PCNX1: variants seen among roughly 807,000 people sequenced by gnomAD.
The protein encoded by PCNX1 is pecanex 1.
Under a neutral mutation model 242.2 loss-of-function variants are expected in PCNX1, and 78 were observed. That is an observed-to-expected ratio of 0.32 (90% CI 0.27 to 0.39). The LOEUF is 0.39. Among genes scored for constraint, PCNX1 ranks in the 10% least tolerant of loss-of-function variants. The pLI is 1.00. For synonymous variants in PCNX1, 1,024 were observed against 1,032.9 expected (o/e 0.99, Z 0.17); for missense variants, 2,581 against 2,856.5 (o/e 0.90, Z 2.20).
At chr14:71,063,953 G>T (rs905488051) in intron 26 of PCNX1, among the ~76,000 whole-genome samples, 2 of 151,858 alleles carry the variant, frequency 1.3e-5, no homozygotes. Flanking sequence ...TTTCTTTCAT[G>T]TTAATTTTTT....
intron 21 of PCNX1, among the ~76,000 whole-genome samples, 198 bp downstream of exon 21, chr14:71,047,303 A>G (rs927733467): frequency 6.6e-6 from 1 of 152,126 alleles, no homozygotes; most frequent in African/African-American, 2.4e-5. Flanking sequence ...TACTCCAGAC[A>G]TCTCATTGTC....
At chr14:71,103,823 G>A (rs1480996408) in intron 32 of PCNX1, among the ~76,000 whole-genome samples, 154 bp downstream of exon 32, 1 of 152,098 alleles carries the variant, frequency 6.6e-6, no homozygotes, top group African/African-American at 2.4e-5. Flanking sequence ...TAGAATCTGA[G>A]CATTCTTATC....
chr14:71,101,764 C>G (rs2062467666), intron 30 of PCNX1, among the ~76,000 whole-genome samples: 1 of 151,942 alleles, frequency 6.6e-6, no homozygotes, highest in Non-Finnish European at 1.5e-5. Context: ...TCATCTAGAA[C>G]TTAGAGGAGA....
intron 5 of PCNX1, among the ~76,000 whole-genome samples, chr14:70,971,119 T>TAAAAC (rs1566638406): frequency 2.9e-4 from 1 of 3,482 alleles, no homozygotes; most frequent in Admixed American, 3.9e-3. Context: ...TATATAGTTT[T>TAAAAC]TTTTTTTTTT....
intron 1 of PCNX1, among the ~76,000 whole-genome samples, chr14:70,931,675 A>G (rs1041864663): frequency 6.6e-6 from 1 of 152,246 alleles, no homozygotes. Flanking sequence ...AGCAGAACAG[A>G]CAGAACTTTA....
rs371287450 is a variant in PCNX1, at chr14:71,009,481, CT to C, written c.2630-152del. Among the ~76,000 whole-genome samples the C allele has an allele frequency of 2.2e-4, 33 of 152,264 alleles. No individual in the cohort carries two copies. The East Asian group carries it at 5.2e-3, about 24-fold the overall frequency. The stretch of plus-strand genomic sequence containing the variant: ...ACGTTCCTTTTCAACTCACATCTTG[CT>C]GAATTACATGCAGATCATTGTTTTA... On this transcript the variant is annotated intron_variant, in intron 8 of 35. Transcript: ENST00000304743.
Position 71,113,980 on chromosome 14 carries a change from C to T in PCNX1, c.*4045C>T, listed in dbSNP as rs2062805676. ...GTTAATTTTCTCTTTTGATAGGATA[C>T]ATGGTTTAGATAAGGTATAAAGTGT... On this transcript the variant is annotated 3_prime_UTR_variant, in exon 36 of 36. Coordinates refer to ENST00000304743, the MANE Select transcript of PCNX1 (RefSeq NM_014982.3). The T allele has an allele frequency of 6.6e-6, 1 of 152,100 alleles. No homozygotes were observed. Among genetic ancestry groups the T allele is most frequent in the Admixed American group, 6.5e-5 (1 of 15,270 alleles). The allele number at this position is 152,100 out of a possible 1,614,324, so 9.4% of individuals were successfully genotyped here. A position where few individuals can be genotyped will look rare whatever the true frequency, so the allele number is the denominator to read the frequency against.
intron 1 of PCNX1, among the ~76,000 whole-genome samples, chr14:70,908,369 G>C (rs758808524): frequency 4.1e-4 from 62 of 152,116 alleles, no homozygotes; most frequent in Non-Finnish European, 7.4e-4. Flanking sequence ...TGCGGCTTTA[G>C]GGGACGCCGC....
At chr14:70,992,725 G>T (rs2059205220) in intron 7 of PCNX1, among the ~76,000 whole-genome samples, 1 of 152,172 alleles carries the variant, frequency 6.6e-6, no homozygotes, top group Non-Finnish European at 1.5e-5. Flanking sequence ...CTTTTGCAGT[G>T]TTATAAAATA....
intron 1 of PCNX1, among the ~76,000 whole-genome samples, chr14:70,937,246 C>T (rs957788079): frequency 2.0e-5 from 3 of 152,124 alleles, no homozygotes; most frequent in Admixed American, 6.5e-5. Context: ...AGGTTTTCTT[C>T]TAGGGTTTTT....
At position 70,944,780 on chromosome 14, in the gene PCNX1, C is replaced by T. The variant is rs549651569; in HGVS notation, c.154-2135C>T. Among the ~76,000 whole-genome samples, 11 of 152,204 alleles carry T rather than the reference C, an allele frequency of 7.2e-5. No individual in the cohort carries two copies. The South Asian group carries it at 8.3e-4, about 11-fold the overall frequency. ...GATGGAGATAATTGAATGATGGGGG[C>T]ATTTCTGCCCTTCAGTTCTTGTGAT... On this transcript the variant is annotated intron_variant, in intron 1 of 35. Coordinates refer to ENST00000304743, the MANE Select transcript of PCNX1 (RefSeq NM_014982.3).
intron 2 of PCNX1, among the ~76,000 whole-genome samples, chr14:70,957,800 G>T (rs59782613): frequency 2.6e-5 from 4 of 151,528 alleles, no homozygotes; most frequent in African/African-American, 9.7e-5. Context: ...GTTGACATAT[G>T]TGTATGTATA....
At position 71,113,434 on chromosome 14, in the gene PCNX1, T is replaced by G. The variant is rs2062791848; in HGVS notation, c.*3499T>G. Reference sequence around the variant, plus strand: ...CCCATTAAGAAGATGTGTTTTTCTTTCTGAATTAGTTTATTTTTCCATCAC... The same window carrying G: ...CCCATTAAGAAGATGTGTTTTTCTTGCTGAATTAGTTTATTTTTCCATCAC... On this transcript the variant is annotated 3_prime_UTR_variant, in exon 36 of 36. Transcript: ENST00000304743. 6.5e-6 allele frequency: 1 copy of G among 152,690 alleles called. No homozygotes were observed. The highest frequency in any genetic ancestry group is 2.1e-4 in the South Asian group (1 of 4,836). 9.5% of individuals were successfully genotyped at this position (152,690 alleles called of 1,614,324 possible).
At chr14:71,091,323 T>C (rs2062123614) in intron 30 of PCNX1, among the ~76,000 whole-genome samples, 2 of 152,136 alleles carry the variant, frequency 1.3e-5, no homozygotes. Flanking sequence ...CTCATGAAAA[T>C]CCATAAAAGT....
chr14:71,079,586 A>G (rs963296209), intron 28 of PCNX1, among the ~76,000 whole-genome samples: 4 of 152,112 alleles, frequency 2.6e-5, no homozygotes, highest in Admixed American at 2.0e-4. Context: ...CGGGAGTGAG[A>G]TGGTATCTCA....
chr14:71,055,577 T>G lies in PCNX1; in HGVS notation c.4636+15T>G, dbSNP rs1249986392. The G allele has an allele frequency of 6.5e-7, 1 of 1,544,548 alleles. No individual in the cohort carries two copies. The highest frequency in any genetic ancestry group is 2.3e-5 in the East Asian group (1 of 44,386). ...TAGAAATCCAGGTAATAGCTCTATTTGTGACTAAGGAGGCAAGACTAAGGA... is the reference window on the plus strand; with the variant it reads ...TAGAAATCCAGGTAATAGCTCTATTGGTGACTAAGGAGGCAAGACTAAGGA... On this transcript the variant is annotated intron_variant, in intron 25 of 35. Transcript: ENST00000304743.
At chr14:71,107,774 ATACTT>A (rs1178296596) in intron 33 of PCNX1, among the ~76,000 whole-genome samples, 1 of 152,244 alleles carries the variant, frequency 6.6e-6, no homozygotes, top group Non-Finnish European at 1.5e-5. Context: ...CAGTAATACT[ATACTT>A]TGAGAAATAG....
intron 12 of PCNX1, among the ~76,000 whole-genome samples, chr14:71,019,846 GCATCCCACC>G (rs1394353207): frequency 6.6e-6 from 1 of 151,746 alleles, no homozygotes; most frequent in South Asian, 2.1e-4. Flanking sequence ...TGCCATGGTG[GCATCCCACC>G]CATCCCACCA....
intron 28 of PCNX1, among the ~76,000 whole-genome samples, chr14:71,082,471 A>G (rs868298431): frequency 2.0e-5 from 3 of 152,068 alleles, no homozygotes; most frequent in East Asian, 3.9e-4. Flanking sequence ...ATCTCCCACT[A>G]TGATTGTGTG....
Sources: gnomAD v4.1 joint callset for allele counts (sites outside exome capture counted in the v4.1 genomes callset) on GRCh38, gnomAD v4.1.1 for gene constraint, MANE v1.5 for transcripts, NCBI Gene and HGNC (gene_info 2026-07-23, HGNC 2026-07-21) for gene names.